The following SLC35G1 variants were observed in gnomAD, a reference collection of about 807,000 sequenced individuals.
SLC35G1 encodes the protein solute carrier family 35 member G1, also known as partner of STIM1.
A neutral mutation model predicts 17.1 loss-of-function variants in SLC35G1; 10 were observed. The ratio of observed to expected loss-of-function variants is 0.59; its 90% CI spans 0.36 to 0.99. The LOEUF is 0.99. Among genes scored for constraint, SLC35G1 ranks in the 50% least tolerant of loss-of-function variants. SLC35G1 has a pLI of 0.01. For missense variants in SLC35G1, 433 were observed against 468.4 expected (o/e 0.92, Z 0.70); for synonymous variants, 185 against 181.1 (o/e 1.02, Z -0.18).
At chr10:93,906,892 T>C (rs1159469406), downstream of SLC35G1, among the ~76,000 whole-genome samples, 5 of 152,122 alleles carry the variant, frequency 3.3e-5, no homozygotes, top group East Asian at 9.6e-4. Context: ...CTTTCATAAG[T>C]ATACAGTGGA....
At chr10:93,894,910 G>C (rs2134063133) in intron 1 of SLC35G1, among the ~76,000 whole-genome samples, 1 of 152,102 alleles carries the variant, frequency 6.6e-6, no homozygotes, top group East Asian at 1.9e-4. Flanking sequence ...CGTTTGCTTT[G>C]TCTCCTCCAA....
chr10:93,901,312 A>C lies in SLC35G1; in HGVS notation c.920A>C (p.Gln307Pro). The C allele has an allele frequency of 1.2e-6, 2 of 1,613,970 alleles. No homozygotes were observed. The highest frequency in any genetic ancestry group is 1.7e-6 in the Non-Finnish European group (2 of 1,179,948). ...GGQIFITKAL[Q>P]IEKAGPVAIM... is the part of the protein sequence containing the mutation. ...CAGATATTTATCACAAAAGCACTTC[A>C]AATAGAAAAAGCAGGGCCAGTAGCA... The change falls in exon 3 of 3, where the codon CAA becomes CCA. Residue 307 changes from glutamine to proline, a missense_variant. Physicochemically the swap from Gln to Pro is moderately conservative, Grantham distance 76. Coordinates refer to ENST00000427197, the MANE Select transcript of SLC35G1 (RefSeq NM_001134658.3).
intron 1 of SLC35G1, among the ~76,000 whole-genome samples, chr10:93,897,413 G>A (rs1336740056): frequency 6.6e-6 from 1 of 152,224 alleles, no homozygotes; most frequent in Non-Finnish European, 1.5e-5. Flanking sequence ...AGATTGGAAT[G>A]ATAATACGAG....
chr10:93,904,297 T>C (rs1457270690), downstream of SLC35G1, among the ~76,000 whole-genome samples: 1 of 152,238 alleles, frequency 6.6e-6, no homozygotes, highest in Non-Finnish European at 1.5e-5. Context: ...CTCTGATTCC[T>C]GTCTCAGTGC....
chr10:93,894,959 G>T (rs2060316160), intron 1 of SLC35G1, among the ~76,000 whole-genome samples: 1 of 152,140 alleles, frequency 6.6e-6, no homozygotes, highest in South Asian at 2.1e-4. Context: ...GCATGTCCAG[G>T]GAGCACCAGG....
chr10:93,901,042 GC>G lies in SLC35G1; in HGVS notation c.651del (p.Tyr218IlefsTer22). On this transcript the variant is annotated frameshift_variant, in exon 3 of 3. Coordinates refer to ENST00000427197, the MANE Select transcript of SLC35G1 (RefSeq NM_001134658.3). LOFTEE classifies it low-confidence loss of function (END_TRUNC). ...FGSDTSGMEE[S>X]YSGHLKGTFA... ...TCCGACACTTCGGGGATGGAAGAAAGCTATTCAGGCCACCTTAAGGGAACAT... is the reference window on the plus strand; with the variant it reads ...TCCGACACTTCGGGGATGGAAGAAAGTATTCAGGCCACCTTAAGGGAACAT... 1 of 1,614,066 alleles carries G rather than the reference GC, an allele frequency of 6.2e-7. No individual in the cohort carries two copies. The highest frequency in any genetic ancestry group is 1.1e-5 in the South Asian group (1 of 91,082).
chr10:93,901,232 C>T lies in SLC35G1; in HGVS notation c.840C>T (p.Tyr280=), dbSNP rs774005510. The T allele has an allele frequency of 1.9e-6, 3 of 1,613,976 alleles. No homozygotes were observed. The highest frequency in any genetic ancestry group is 2.5e-6 in the Non-Finnish European group (3 of 1,179,928). ...LSVLGEWSLP[Y]CGLDRLFLIF... ...TATTAGGAGAGTGGAGTCTGCCTTACTGTGGGTTGGACAGGCTATTTCTCA... is the reference window on the plus strand; with the variant it reads ...TATTAGGAGAGTGGAGTCTGCCTTATTGTGGGTTGGACAGGCTATTTCTCA... Residue 280 remains tyrosine, a synonymous_variant, in exon 3 of 3, where the codon TAC becomes TAT. Coordinates refer to ENST00000427197, the MANE Select transcript of SLC35G1 (RefSeq NM_001134658.3).
At chr10:93,905,391 G>A (rs772174860), downstream of SLC35G1, among the ~76,000 whole-genome samples, 2 of 152,008 alleles carry the variant, frequency 1.3e-5, no homozygotes, top group Non-Finnish European at 2.9e-5. Context: ...TTTATGCCCC[G>A]TTTGGTGCCT....
At chr10:93,900,471 G>A (rs879494995) in intron 2 of SLC35G1, among the ~76,000 whole-genome samples, 8 of 151,890 alleles carry the variant, frequency 5.3e-5, no homozygotes, top group African/African-American at 1.7e-4. Flanking sequence ...ATACATATAC[G>A]TGGGATAAAT....
downstream of SLC35G1, among the ~76,000 whole-genome samples, chr10:93,906,075 G>T (rs992911160): frequency 6.6e-6 from 1 of 152,168 alleles, no homozygotes; most frequent in Non-Finnish European, 1.5e-5. Flanking sequence ...TTAAGATTAA[G>T]CTGTATGTGC....
intron 1 of SLC35G1, among the ~76,000 whole-genome samples, chr10:93,895,170 C>A (rs1418637372): frequency 6.6e-6 from 1 of 152,184 alleles, no homozygotes; most frequent in Admixed American, 6.5e-5. Context: ...CTAAGTGTGA[C>A]CCTGGATTTC....
chr10:93,894,001 G>C lies in SLC35G1; in HGVS notation c.-33G>C, dbSNP rs1251978107. 1.5e-5 allele frequency: 20 copies of C among 1,347,936 alleles called. No homozygotes were observed. Among genetic ancestry groups the C allele is most frequent in the Admixed American group, 7.8e-5 (2 of 25,538 alleles). The allele number at this position is 1,347,936 out of a possible 1,614,324, so 83.5% of individuals were successfully genotyped here. A position where few individuals can be genotyped will look rare whatever the true frequency, so the allele number is the denominator to read the frequency against. On this transcript the variant is annotated 5_prime_UTR_variant, in exon 1 of 3. Coordinates refer to ENST00000427197, the MANE Select transcript of SLC35G1 (RefSeq NM_001134658.3). ...CCAGGCGCTGCTGCTGGCGCCAGAC[G>C]GCACCGGCCGCTGGTAGAGCGCGTG... is the stretch of plus-strand genomic sequence containing the variant.
chr10:93,896,099 T>C (rs1255866033), intron 1 of SLC35G1, among the ~76,000 whole-genome samples: 7 of 152,016 alleles, frequency 4.6e-5, no homozygotes, highest in Non-Finnish European at 1.0e-4. Flanking sequence ...TACTCGATCC[T>C]TTCATCTAAG....
At chr10:93,897,452 A>G (rs151224400) in intron 1 of SLC35G1, among the ~76,000 whole-genome samples, 161 of 152,312 alleles carry the variant, frequency 1.1e-3, no homozygotes, top group African/African-American at 3.8e-3. Context: ...ATATCCACTC[A>G]CCCTTCAGTT....
rs534847290 is a variant in SLC35G1 at position 93,902,456 on chromosome 10, A to G, written c.*966A>G. On this transcript the variant is annotated 3_prime_UTR_variant, in exon 3 of 3. Transcript: ENST00000427197. Reference sequence around the variant, plus strand: ...ATCTTATTAGGTTGAACCATATGTAATTGCCAAGATTTTACTATTTTAACT... The same window carrying G: ...ATCTTATTAGGTTGAACCATATGTAGTTGCCAAGATTTTACTATTTTAACT... 13 of 152,636 alleles carry G rather than the reference A, an allele frequency of 8.5e-5. No individual in the cohort carries two copies. The highest frequency in any genetic ancestry group is 2.1e-4 in the South Asian group (1 of 4,816). 9.5% of individuals were successfully genotyped at this position (152,636 alleles called of 1,614,324 possible). A position where few individuals can be genotyped will look rare whatever the true frequency, so the allele number is the denominator to read the frequency against.
At chr10:93,906,691 G>A (rs972679208), downstream of SLC35G1, among the ~76,000 whole-genome samples, 5 of 152,078 alleles carry the variant, frequency 3.3e-5, no homozygotes, top group Non-Finnish European at 7.4e-5. Flanking sequence ...GCCTGTGACA[G>A]ATAAAATTCA....
downstream of SLC35G1, among the ~76,000 whole-genome samples, chr10:93,904,115 A>T (rs903625787): frequency 6.6e-6 from 1 of 152,194 alleles, no homozygotes; most frequent in Non-Finnish European, 1.5e-5. Context: ...TCCTGTAGCT[A>T]ATCCGTTACT....
intron 1 of SLC35G1, among the ~76,000 whole-genome samples, chr10:93,898,147 C>T (rs1288237546): frequency 1.3e-5 from 2 of 152,164 alleles, no homozygotes; most frequent in Non-Finnish European, 2.9e-5. Context: ...CAATTATAAC[C>T]CATTTTCCAG....
In SLC35G1 at chr10:93,901,073, A is replaced by G; in HGVS notation, c.681A>G (p.Ala227=). Residue 227 remains alanine, a synonymous_variant, in exon 3 of 3, where the codon GCA becomes GCG. Transcript: ENST00000427197. ...SYSGHLKGTF[A]AIGSAVFAAS... ...CAGGCCACCTTAAGGGAACATTCGCAGCAATTGGAAGTGCCGTATTTGCTG... is the reference window on the plus strand; with the variant it reads ...CAGGCCACCTTAAGGGAACATTCGCGGCAATTGGAAGTGCCGTATTTGCTG... 6.2e-7 allele frequency: 1 copy of G among 1,614,152 alleles called. No homozygotes were observed. Among genetic ancestry groups the G allele is most frequent in the Non-Finnish European group, 8.5e-7 (1 of 1,179,982 alleles).
Sources: gnomAD v4.1 joint callset for allele counts (sites outside exome capture counted in the v4.1 genomes callset) on GRCh38, gnomAD v4.1.1 for gene constraint, MANE v1.5 for transcripts, NCBI Gene and HGNC (gene_info 2026-07-23, HGNC 2026-07-21) for gene names.